The following PDE2A variants were observed in gnomAD, a reference collection of about 807,000 sequenced individuals.
The protein encoded by PDE2A is phosphodiesterase 2A.
In PDE2A, 53 loss-of-function variants were observed where a neutral mutation model predicts 133.6. The ratio of observed to expected loss-of-function variants is 0.40; its 90% CI spans 0.32 to 0.50. The LOEUF (loss-of-function observed/expected upper bound fraction) is 0.50. Among genes scored for constraint, PDE2A ranks in the 20% least tolerant of loss-of-function variants. The pLI, the probability that PDE2A is intolerant of heterozygous loss-of-function variation, is 0.73. For missense variants in PDE2A, 796 were observed against 1,232.4 expected, an observed-to-expected ratio of 0.65 and a Z score of 5.30; for synonymous variants, 491 against 490.2, an observed-to-expected ratio of 1.00 and a Z score of -0.02.
chr11:72,580,654 T>G (rs1490205446), intron 24 of PDE2A, 30 bp from the exon 25 acceptor site: 1 of 1,537,954 alleles, frequency 6.5e-7, no homozygotes, highest in South Asian at 1.2e-5. Flanking sequence ...CTGTGGTCAC[T>G]CCTCACATCC....
rs1445342408 is a variant in PDE2A at position 72,608,665 on chromosome 11, T to G, written c.231A>C (p.Arg77=). 2.3e-5 allele frequency: 35 copies of G among 1,542,108 alleles called. No individual in the cohort carries two copies. Among genetic ancestry groups the G allele is most frequent in the Non-Finnish European group, 3.1e-5 (35 of 1,131,280 alleles). ...TGGGGCAAGGGCGGGCACCTACCAC[T>G]CGGGGGAGCACAGCTGACAGGGCCT... ...VKEALSAVLP[R]VETVYTYLLD... The change falls in exon 3 of 31, where the codon CGA becomes CGC. Residue 77 remains arginine (R), a synonymous_variant. Transcript: ENST00000334456.
At chr11:72,592,256 G>A (rs890813601) in intron 6 of PDE2A, among the ~76,000 whole-genome samples, 1 of 152,148 alleles carries the variant, frequency 6.6e-6, no homozygotes, top group African/African-American at 2.4e-5. Flanking sequence ...ACTAGCTTCC[G>A]GAGCTTACTC....
Position 72,578,992 on chromosome 11 carries a change from T to C in PDE2A, c.2374A>G (p.Asn792Asp). 2 of 1,613,340 alleles carry C rather than the reference T, an allele frequency of 1.2e-6. No individual in the cohort carries two copies. The highest frequency in any genetic ancestry group is 3.3e-4 in the Middle Eastern group (2 of 6,062). The part of the protein sequence containing the change: ...KMAEVGYDRN[N>D]KQHHRLLLCL... ...AGGAGAAGTCTGTGGTGCTGCTTGT[T>C]GTTTCGGTCGTAGCCCACTGTTGAG... The change falls in exon 28 of 31, where the codon AAC becomes GAC. Residue 792 changes from asparagine to aspartate, a missense_variant. Around this residue, in one of 7 missense-constraint regions of PDE2A, gnomAD observed 19 missense variants for 16.0 expected, o/e 1.18. Transcript: ENST00000334456. This position sits in a 1 kb window ranked among gnomAD's most constrained non-coding sequence, Gnocchi z 4.2.
intron 2 of PDE2A, among the ~76,000 whole-genome samples, chr11:72,613,293 C>T (rs1052635305): frequency 7.9e-5 from 12 of 152,110 alleles, no homozygotes; most frequent in South Asian, 2.1e-4. Context: ...TCCCAAGGTC[C>T]GGCTGTGCTC....
intron 2 of PDE2A, among the ~76,000 whole-genome samples, chr11:72,622,686 G>A (rs1857839883): frequency 1.3e-5 from 2 of 152,202 alleles, no homozygotes; most frequent in Admixed American, 1.3e-4. Flanking sequence ...GGTGCCAGGA[G>A]CTGGAGACAG....
chr11:72,648,653 G>A (rs1441813090), intron 1 of PDE2A, among the ~76,000 whole-genome samples: 1 of 152,154 alleles, frequency 6.6e-6, no homozygotes, highest in African/African-American at 2.4e-5. Flanking sequence ...TCCAGGACTA[G>A]TCTAAGACCT....
intron 2 of PDE2A, among the ~76,000 whole-genome samples, chr11:72,613,540 T>A (rs1857318259): frequency 6.6e-6 from 1 of 151,976 alleles, no homozygotes; most frequent in East Asian, 1.9e-4. Context: ...TGTCCCAGGC[T>A]GCACTCCTGT....
chr11:72,596,420 C>T (rs1396802894), intron 6 of PDE2A, among the ~76,000 whole-genome samples, 173 bp downstream of exon 6: 1 of 150,896 alleles, frequency 6.6e-6, no homozygotes, highest in Non-Finnish European at 1.5e-5. Flanking sequence ...CCCCCACACC[C>T]CCATTTCCCC....
intron 4 of PDE2A, among the ~76,000 whole-genome samples, chr11:72,604,199 C>T (rs1302293809): frequency 6.6e-6 from 1 of 152,240 alleles, no homozygotes; most frequent in South Asian, 2.1e-4. Context: ...CCTTCAGAGC[C>T]TGCCTCCTCC....
intron 16 of PDE2A, 36 bp downstream of exon 16, chr11:72,585,335 C>A: frequency 6.3e-7 from 1 of 1,579,528 alleles, no homozygotes; most frequent in South Asian, 1.1e-5. Flanking sequence ...AAGGCCACAG[C>A]CTCTCTCGCC....
At chr11:72,591,608 C>T (rs1202412738) in intron 6 of PDE2A, among the ~76,000 whole-genome samples, 2 of 152,206 alleles carry the variant, frequency 1.3e-5, no homozygotes, top group Non-Finnish European at 2.9e-5. Context: ...ACTGTCTCAT[C>T]AAGAGCACAG....
intron 2 of PDE2A, among the ~76,000 whole-genome samples, chr11:72,632,476 C>T (rs943963396): frequency 6.6e-6 from 1 of 152,148 alleles, no homozygotes; most frequent in Non-Finnish European, 1.5e-5. Context: ...GGGCTGACTG[C>T]AGCCCAGGGT....
chr11:72,602,951 CCAGA>C (rs1332477924), intron 4 of PDE2A, among the ~76,000 whole-genome samples: 1 of 152,250 alleles, frequency 6.6e-6, no homozygotes, highest in African/African-American at 2.4e-5. Flanking sequence ...GGGCTCACCA[CCAGA>C]CACCAGGCAC....
chr11:72,662,246 C>T (rs1183505885), intron 1 of PDE2A, among the ~76,000 whole-genome samples: 1 of 152,090 alleles, frequency 6.6e-6, no homozygotes, highest in Non-Finnish European at 1.5e-5. Context: ...AGGGGAGATG[C>T]TAATTAGCAC....
At chr11:72,628,007 G>A (rs927846257) in intron 2 of PDE2A, among the ~76,000 whole-genome samples, 2 of 152,234 alleles carry the variant, frequency 1.3e-5, no homozygotes, top group East Asian at 1.9e-4. Context: ...CTGAACACAC[G>A]CCTGCTGGGT....
chr11:72,622,631 G>T (rs1487548839), intron 2 of PDE2A, among the ~76,000 whole-genome samples: 1 of 152,176 alleles, frequency 6.6e-6, no homozygotes, highest in South Asian at 2.1e-4. Flanking sequence ...ATTACTTGAG[G>T]TATCTAGAGT....
chr11:72,582,735 C>T (rs1855780170), intron 20 of PDE2A, among the ~76,000 whole-genome samples, 169 bp from the exon 21 acceptor site: 1 of 152,166 alleles, frequency 6.6e-6, no homozygotes. Context: ...CCCTCACAGC[C>T]CTGCAGCCCA....
At chr11:72,580,694 C>T (rs1187317191) in intron 24 of PDE2A, 70 bp from the exon 25 acceptor site, 1 of 1,271,016 alleles carries the variant, frequency 7.9e-7, no homozygotes, top group Admixed American at 2.0e-5. Context: ...TTAGGCTGAG[C>T]AGTGTCCTGC....
intron 2 of PDE2A, among the ~76,000 whole-genome samples, chr11:72,625,733 C>T (rs1425383067): frequency 6.6e-6 from 1 of 152,190 alleles, no homozygotes; most frequent in Admixed American, 6.5e-5. Context: ...CAAATTCAGG[C>T]TCTAGGCAGG....
Sources: allele counts gnomAD v4.1 joint callset (sites outside exome capture counted in the v4.1 genomes callset), GRCh38; gene constraint gnomAD v4.1.1; regional missense constraint gnomAD v4.1.1; non-coding constraint Gnocchi (gnomAD v3.1); transcripts MANE v1.5; gene names NCBI Gene and HGNC (gene_info 2026-07-23, HGNC 2026-07-21).